The following ZNF423 variants were observed in gnomAD, a reference collection of about 807,000 sequenced individuals.
ZNF423 encodes Ebf-associated zinc finger protein.
In ZNF423, 12 loss-of-function variants were observed where a neutral mutation model predicts 95.8. That is an observed-to-expected ratio of 0.13 (90% CI 0.08 to 0.20). The LOEUF (loss-of-function observed/expected upper bound fraction) is 0.20, where lower values mean the gene tolerates loss of function less well. Among genes scored for constraint, ZNF423 ranks in the 10% least tolerant of loss-of-function variants. ZNF423 has a pLI of 1.00. For synonymous variants in ZNF423, 749 were observed against 711.9 expected (o/e 1.05, Z -0.83); for missense variants, 1,316 against 1,737.1 (o/e 0.76, Z 4.31).
At chr16:49,634,740 C>T (rs1217252010) in intron 4 of ZNF423, among the ~76,000 whole-genome samples, 1 of 152,172 alleles carries the variant, frequency 6.6e-6, no homozygotes, top group Non-Finnish European at 1.5e-5. Context: ...TCAATGGGAA[C>T]CCCACACCTG....
At chr16:49,587,424 G>T (rs79864731) in intron 5 of ZNF423, among the ~76,000 whole-genome samples, 2,646 of 152,254 alleles carry the variant, frequency 0.017, 82 homozygotes, top group African/African-American at 0.06. Context: ...GAAGAGTGAG[G>T]CTATGAACAT....
At chr16:49,767,893 C>T (rs1420056522) in intron 2 of ZNF423, among the ~76,000 whole-genome samples, 1 of 152,340 alleles carries the variant, frequency 6.6e-6, no homozygotes. Context: ...TAAAACCAGG[C>T]TTACGTCGGG....
At chr16:49,643,636 GC>G (rs984255016) in intron 3 of ZNF423, among the ~76,000 whole-genome samples, 6 of 145,356 alleles carry the variant, frequency 4.1e-5, no homozygotes, top group Admixed American at 2.1e-4. Flanking sequence ...TGCTTCCCCT[GC>G]CCCCCAGAGT....
At chr16:49,692,341 C>T (rs994356490) in intron 3 of ZNF423, among the ~76,000 whole-genome samples, 9 of 152,142 alleles carry the variant, frequency 5.9e-5, no homozygotes, top group African/African-American at 1.9e-4. Flanking sequence ...TTTCTCCTTC[C>T]CCACTCCTCT....
At position 49,792,467 on chromosome 16, in the gene ZNF423, C is replaced by T. The variant is rs185206527; in HGVS notation, c.41-2921G>A. Among the ~76,000 whole-genome samples, 53 of 152,316 alleles carry T rather than the reference C, an allele frequency of 3.5e-4. 1 individual carries two copies. The East Asian group carries it at 9.7e-3, about 28-fold the overall frequency. On this transcript the variant is annotated intron_variant, in intron 1 of 7. Transcript: ENST00000563137. ...GAGGAGGAAAGTGGCCCAGTGCTAA[C>T]TGGCTGGGGAGGTCCAGAGTGGCAG...
intron 3 of ZNF423, among the ~76,000 whole-genome samples, chr16:49,663,766 G>A (rs941359097): frequency 3.3e-5 from 5 of 152,234 alleles, no homozygotes; most frequent in African/African-American, 1.2e-4. Flanking sequence ...ACAGGAGAGA[G>A]GCAAGGGAGG....
At chr16:49,689,703 G>A (rs2031707276) in intron 3 of ZNF423, among the ~76,000 whole-genome samples, 1 of 152,112 alleles carries the variant, frequency 6.6e-6, no homozygotes, top group African/African-American at 2.4e-5. Context: ...CCAAAGGCAT[G>A]GTACACCATT....
chr16:49,849,279 T>C (rs974615432), intron 1 of ZNF423, among the ~76,000 whole-genome samples: 1 of 152,150 alleles, frequency 6.6e-6, no homozygotes, highest in Non-Finnish European at 1.5e-5. Context: ...GGCTCCAGCC[T>C]CTGAGATACA....
chr16:49,853,740 G>A, intron 1 of ZNF423: 3 of 985,342 alleles, frequency 3.0e-6, no homozygotes, highest in Non-Finnish European at 3.6e-6. Context: ...CCTTCTCAGA[G>A]ATCCACAGAG....
chr16:49,510,396 G>A (rs1397728652), intron 7 of ZNF423, among the ~76,000 whole-genome samples: 1 of 152,166 alleles, frequency 6.6e-6, no homozygotes, highest in Non-Finnish European at 1.5e-5. Flanking sequence ...GTCCCTAGAA[G>A]GCCCAGGACA....
At chr16:49,737,326 A>C (rs1414908157) in intron 2 of ZNF423, among the ~76,000 whole-genome samples, 6 of 151,682 alleles carry the variant, frequency 4.0e-5, no homozygotes, top group African/African-American at 1.5e-4. Context: ...CTGGAGTGCA[A>C]TGGTGCAATC....
Position 49,558,894 on chromosome 16 carries a change from T to TG in ZNF423, c.3602-33401dup, listed in dbSNP as rs35115225. 6.6e-5 allele frequency among the ~76,000 whole-genome samples: 10 copies of TG among 152,266 alleles called. No homozygotes were observed. The East Asian group carries it at 1.4e-3, about 21-fold the overall frequency. On this transcript the variant is annotated intron_variant, in intron 5 of 7. Coordinates refer to ENST00000563137, the MANE Select transcript of ZNF423 (RefSeq NM_001379286.1). ...GTGTACCTGGAAGCGAGCGGGGTTTTGGGGGGGTCCCACCTGGAGGGGCCC... is the reference window on the plus strand; with the variant it reads ...GTGTACCTGGAAGCGAGCGGGGTTTTGGGGGGGGTCCCACCTGGAGGGGCCC...
At chr16:49,813,313 A>T (rs1157384654) in intron 1 of ZNF423, among the ~76,000 whole-genome samples, 1 of 151,396 alleles carries the variant, frequency 6.6e-6, no homozygotes, top group Non-Finnish European at 1.5e-5. Context: ...CCAGGCAGCC[A>T]GAGCCTTCTG....
rs28493947 is a variant in ZNF423, at chr16:49,751,952, C to G, written c.101-20981G>C. Among the ~76,000 whole-genome samples, 1,170 of 152,208 alleles carry G rather than the reference C, an allele frequency of 7.7e-3. 15 individuals are homozygous for G. Among genetic ancestry groups the G allele is most frequent in the African/African-American group, 0.027 (1,126 of 41,476 alleles). ...CAGGACAGTGAAGAGGCCCCCACAG[C>G]CCAGGGAGGGCAAGGTCTTGGCCAA... On this transcript the variant is annotated intron_variant, in intron 2 of 7. Transcript: ENST00000563137.
chr16:49,701,772 C>T lies in ZNF423; in HGVS notation c.301+28999G>A, dbSNP rs557755702. Among the ~76,000 whole-genome samples the T allele has an allele frequency of 7.9e-5, 12 of 152,250 alleles. No homozygotes were observed. The East Asian group carries it at 2.3e-3, about 29-fold the overall frequency. Reference sequence around the variant, plus strand: ...TTCCCCGTTGCAGATTTTACTGTAGCGTTCTAGAAGGCAGATTAAATGAAG... The same window carrying T: ...TTCCCCGTTGCAGATTTTACTGTAGTGTTCTAGAAGGCAGATTAAATGAAG... On this transcript the variant is annotated intron_variant, in intron 3 of 7. Coordinates refer to ENST00000563137, the MANE Select transcript of ZNF423 (RefSeq NM_001379286.1).
Position 49,627,763 on chromosome 16 carries a change from C to T in ZNF423, c.3517-1509G>A, listed in dbSNP as rs541759683. ...CCGCCCATCCATCTACATAAACACC[C>T]ACCCACCCATCCACCCATCTACATA... On this transcript the variant is annotated intron_variant, in intron 4 of 7. Transcript: ENST00000563137. Among the ~76,000 whole-genome samples the T allele has an allele frequency of 2.7e-5, 4 of 149,720 alleles. No homozygotes were observed. In the South Asian group the frequency reaches 6.4e-4, roughly 24 times the overall value.
At chr16:49,573,821 C>T (rs1044027687) in intron 5 of ZNF423, among the ~76,000 whole-genome samples, 1 of 152,218 alleles carries the variant, frequency 6.6e-6, no homozygotes, top group Non-Finnish European at 1.5e-5. Context: ...TCCAGTTTTG[C>T]TCTGATGTGC....
chr16:49,634,612 A>G (rs1368214275), intron 4 of ZNF423, among the ~76,000 whole-genome samples: 2 of 152,212 alleles, frequency 1.3e-5, no homozygotes, highest in Non-Finnish European at 2.9e-5. Flanking sequence ...TGCCTATGGC[A>G]GATGGCCCTT....
At chr16:49,491,430 A>C in intron 7 of ZNF423, 126 bp from the exon 8 acceptor site, 1 of 1,250,080 alleles carries the variant, frequency 8.0e-7, no homozygotes, top group Non-Finnish European at 1.2e-6. Flanking sequence ...AACAAAATGC[A>C]ACAAGGAAAA....
Sources: gnomAD v4.1 joint callset for allele counts (sites outside exome capture counted in the v4.1 genomes callset) on GRCh38, gnomAD v4.1.1 for gene constraint, MANE v1.5 for transcripts, NCBI Gene and HGNC (gene_info 2026-07-23, HGNC 2026-07-21) for gene names.